TCF12: variants seen among roughly 807,000 people sequenced by gnomAD.
TCF12 encodes transcription factor 12, also known as DNA-binding protein HTF4.
A neutral mutation model predicts 86.0 loss-of-function variants in TCF12; 45 were observed. That is an observed-to-expected ratio of 0.52 (90% CI 0.41 to 0.67). The LOEUF (loss-of-function observed/expected upper bound fraction) is 0.67. Ranked by LOEUF, TCF12 falls within the 30% of genes least tolerant of loss-of-function variation. TCF12 has a pLI of 0.00. For missense variants in TCF12, 881 were observed against 859.9 expected, an observed-to-expected ratio of 1.02 and a Z score of -0.31; for synonymous variants, 330 against 299.6, an observed-to-expected ratio of 1.10 and a Z score of -1.05.
intron 3 of TCF12, among the ~76,000 whole-genome samples, chr15:56,970,336 T>C (rs767910056): frequency 6.6e-6 from 1 of 151,698 alleles, no homozygotes; most frequent in East Asian, 1.9e-4. Context: ...AAAAATTAGC[T>C]GGGCATGGTG....
At chr15:57,080,870 A>G (rs2070579959) in intron 4 of TCF12, among the ~76,000 whole-genome samples, 1 of 152,196 alleles carries the variant, frequency 6.6e-6, no homozygotes, top group South Asian at 2.1e-4. Flanking sequence ...ATTTGCCTCT[A>G]GGTTTTTTGA....
chr15:56,971,856 G>C (rs1420109219), intron 3 of TCF12, among the ~76,000 whole-genome samples: 1 of 152,168 alleles, frequency 6.6e-6, no homozygotes, highest in African/African-American at 2.4e-5. Flanking sequence ...CTAGGCAAAT[G>C]TGTAAAGACA....
At chr15:57,161,998 G>T (rs1210503985) in intron 5 of TCF12, among the ~76,000 whole-genome samples, 1 of 151,912 alleles carries the variant, frequency 6.6e-6, no homozygotes, top group African/African-American at 2.4e-5. Flanking sequence ...TGAGAAGTCC[G>T]CCCAAGAGGC....
chr15:56,948,143 A>G (rs560242632), intron 3 of TCF12, among the ~76,000 whole-genome samples: 2 of 151,354 alleles, frequency 1.3e-5, no homozygotes, highest in African/African-American at 4.9e-5. Context: ...ATTTTTTGAG[A>G]TGGGATCTCA....
intron 2 of TCF12, among the ~76,000 whole-genome samples, chr15:56,920,487 C>CACGTGT (rs3223202): frequency 2.0e-5 from 3 of 146,870 alleles, no homozygotes; most frequent in East Asian, 2.1e-4. Context: ...CACACACACA[C>CACGTGT]GTGTGTGTGT....
At chr15:57,127,043 C>A (rs867593070) in intron 5 of TCF12, among the ~76,000 whole-genome samples, 4 of 148,272 alleles carry the variant, frequency 2.7e-5, no homozygotes, top group Non-Finnish European at 5.9e-5. Context: ...AGTGCAGTGG[C>A]GTGATCTCAG....
At chr15:57,163,848 C>G (rs561528165) in intron 5 of TCF12, among the ~76,000 whole-genome samples, 4 of 152,232 alleles carry the variant, frequency 2.6e-5, no homozygotes, top group Non-Finnish European at 5.9e-5. Context: ...AAGAAGATGG[C>G]AGAGACTGAA....
chr15:57,247,573 T>C, intron 13 of TCF12: 1 of 870,868 alleles, frequency 1.1e-6, no homozygotes, highest in Non-Finnish European at 1.9e-6. Flanking sequence ...TCTGCCTGTC[T>C]TCCATAACTT....
In TCF12 at chr15:57,029,543, T is replaced by C. The variant is rs547577115; in HGVS notation, c.149-34207T>C. Among the ~76,000 whole-genome samples, 15 of 152,336 alleles carry C rather than the reference T, an allele frequency of 9.8e-5. No homozygotes were observed. The South Asian group carries it at 1.7e-3, about 17-fold the overall frequency. ...ACTTGGAGAAAAGTATACTTTGTAC[T>C]ACGCTATATGGGTTGTTCAGTTGTG... On this transcript the variant is annotated intron_variant, in intron 3 of 20. Coordinates refer to ENST00000333725, the MANE Select transcript of TCF12 (RefSeq NM_207037.2).
chr15:57,231,362 G>A, intron 9 of TCF12, 105 bp downstream of exon 9: 1 of 827,730 alleles, frequency 1.2e-6, no homozygotes, highest in East Asian at 2.7e-5. Context: ...GCCTTATTTA[G>A]GCATTTTTTT....
At chr15:57,140,594 T>C (rs561888204) in intron 5 of TCF12, among the ~76,000 whole-genome samples, 5 of 152,380 alleles carry the variant, frequency 3.3e-5, no homozygotes, top group African/African-American at 1.2e-4. Flanking sequence ...CACTTAGGGC[T>C]TGCTGATTAC....
intron 6 of TCF12, 36 bp downstream of exon 6, chr15:57,166,502 T>C (rs2054904253): frequency 6.4e-7 from 1 of 1,559,316 alleles, no homozygotes; most frequent in Non-Finnish European, 8.8e-7. Flanking sequence ...ATGAGATGGT[T>C]TTTAAACACA....
At chr15:57,170,739 TATATATTATATA>T (rs2055378670) in intron 6 of TCF12, among the ~76,000 whole-genome samples, 1 of 33,682 alleles carries the variant, frequency 3.0e-5, no homozygotes, top group Non-Finnish European at 5.4e-5. Flanking sequence ...TTATATATAA[TATATATTATATA>T]TTATATATTA....
chr15:57,208,463 A>C (rs1281449356), intron 8 of TCF12, among the ~76,000 whole-genome samples: 1 of 127,460 alleles, frequency 7.8e-6, no homozygotes, highest in Non-Finnish European at 1.6e-5. Context: ...GCTCACTGCA[A>C]CCTCCACCTC....
At chr15:57,259,637 G>A (rs541736573) in intron 16 of TCF12, among the ~76,000 whole-genome samples, 1 of 152,324 alleles carries the variant, frequency 6.6e-6, no homozygotes, top group Non-Finnish European at 1.5e-5. Flanking sequence ...ATTCTGAAAT[G>A]GAGCTCTTCA....
intron 13 of TCF12, among the ~76,000 whole-genome samples, chr15:57,250,645 C>T (rs2060066826): frequency 6.6e-6 from 1 of 151,994 alleles, no homozygotes; most frequent in Non-Finnish European, 1.5e-5. Context: ...AGGAGAATCG[C>T]TTGAACCTGG....
In TCF12 at chr15:57,141,998, C is replaced by T. The variant is rs962841144; in HGVS notation, c.326-24404C>T. ...GGTGTTTAACAGCTCAAGGGAGAAA[C>T]GATATAGCTACAGTCCTTGGTTTTG... On this transcript the variant is annotated intron_variant, in intron 5 of 20. Coordinates refer to ENST00000333725, the MANE Select transcript of TCF12 (RefSeq NM_207037.2). Among the ~76,000 whole-genome samples the T allele has an allele frequency of 1.3e-5, 2 of 152,106 alleles. 1 individual carries two copies. The highest frequency in any genetic ancestry group is 2.9e-5 in the Non-Finnish European group (2 of 68,028).
intron 3 of TCF12, among the ~76,000 whole-genome samples, chr15:56,993,740 T>G (rs1438388597): frequency 1.3e-5 from 2 of 152,224 alleles, no homozygotes; most frequent in Admixed American, 1.3e-4. Context: ...TTAGAGCTCA[T>G]GGCCTAATCC....
At position 57,097,214 on chromosome 15, in the gene TCF12, T is replaced by A. The variant is rs564469189; in HGVS notation, c.325+5323T>A. ...ATATGTAGAATCACCATTTTCAGAC[T>A]ATCAAAGGGTAATACAACCCTGCCC... On this transcript the variant is annotated intron_variant, in intron 5 of 20. Coordinates refer to ENST00000333725, the MANE Select transcript of TCF12 (RefSeq NM_207037.2). 8.5e-5 allele frequency among the ~76,000 whole-genome samples: 13 copies of A among 152,282 alleles called. No homozygotes were observed. The South Asian group carries it at 2.7e-3, about 32-fold the overall frequency.
Sources: allele counts gnomAD v4.1 joint callset (sites outside exome capture counted in the v4.1 genomes callset), GRCh38; gene constraint gnomAD v4.1.1; transcripts MANE v1.5; gene names NCBI Gene and HGNC (gene_info 2026-07-23, HGNC 2026-07-21).